The following FAT3 variants were observed in gnomAD, a reference collection of about 807,000 sequenced individuals.
FAT3 encodes the protein FAT atypical cadherin 3.
A neutral mutation model predicts 310.2 loss-of-function variants in FAT3; 95 were observed. That is an observed-to-expected ratio of 0.31 (90% confidence interval 0.26 to 0.36). The LOEUF (loss-of-function observed/expected upper bound fraction) is 0.36, where lower values mean the gene tolerates loss of function less well. FAT3 is among the 10% of genes least tolerant of loss of function. FAT3 has a pLI of 1.00. For missense variants in FAT3, 5,408 were observed against 5,715.6 expected, an observed-to-expected ratio of 0.95 and a Z score of 1.74; for synonymous variants, 2,314 against 2,192.9, an observed-to-expected ratio of 1.06 and a Z score of -1.54.
intron 1 of FAT3, among the ~76,000 whole-genome samples, chr11:92,274,773 A>G (rs1946220113): frequency 6.6e-6 from 1 of 152,132 alleles, no homozygotes; most frequent in African/African-American, 2.4e-5. Flanking sequence ...TTTAAAGTGG[A>G]AAAGAAAATA....
intron 3 of FAT3, among the ~76,000 whole-genome samples, chr11:92,564,772 G>A (rs1439511417): frequency 1.3e-5 from 2 of 149,114 alleles, no homozygotes; most frequent in Non-Finnish European, 3.0e-5. Context: ...TGAACAACCT[G>A]CTCCTGAATG....
chr11:92,604,204 G>A (rs1940167128), intron 3 of FAT3, among the ~76,000 whole-genome samples: 1 of 152,178 alleles, frequency 6.6e-6, no homozygotes, highest in Non-Finnish European at 1.5e-5. Flanking sequence ...TAATACTGCT[G>A]AGCAGATAGC....
At chr11:92,472,945 G>A (rs1013798367) in intron 2 of FAT3, among the ~76,000 whole-genome samples, 24 of 152,256 alleles carry the variant, frequency 1.6e-4, no homozygotes, top group Admixed American at 3.9e-4. Context: ...CTTGCTCTTC[G>A]TTTATCTGTG....
chr11:92,740,867 T>C (rs1188705734), intron 4 of FAT3, among the ~76,000 whole-genome samples: 1 of 152,170 alleles, frequency 6.6e-6, no homozygotes, highest in Non-Finnish European at 1.5e-5. Context: ...ATATTTGTGA[T>C]TGGTTTCATT....
In FAT3 at chr11:92,890,754, C is replaced by A. The variant is rs1462449512; in HGVS notation, c.13411C>A (p.Pro4471Thr). Residue 4471 changes from proline to threonine, a missense_variant, in exon 28 of 28, where the codon CCT becomes ACT. Transcript: ENST00000525166. ...DQYEALPPSQ[P>T]VSLASTLSPD... ...ATATGAGGCCCTGCCACCCTCCCAG[C>A]CTGTCTCCCTGGCCAGCACACTGAG... 1 of 1,613,872 alleles carries A rather than the reference C, an allele frequency of 6.2e-7. No homozygotes were observed. The highest frequency in any genetic ancestry group is 1.1e-5 in the South Asian group (1 of 91,048).
At chr11:92,350,907 A>C (rs1591150825) in intron 1 of FAT3, among the ~76,000 whole-genome samples, 1 of 152,176 alleles carries the variant, frequency 6.6e-6, no homozygotes, top group Admixed American at 6.5e-5. Flanking sequence ...GACTGGATGG[A>C]AGAACTCATA....
chr11:92,352,970 A>G lies in FAT3; in HGVS notation c.858A>G (p.Thr286=), dbSNP rs371628916. The G allele has an allele frequency of 1.1e-5, 18 of 1,613,748 alleles. No individual in the cohort carries two copies. In the African/African-American group the frequency reaches 2.3e-4, roughly 20 times the overall value. ...AAGAGCCAACATATGCAGTGGTGAC[A>G]GTTGATGACTTAGATGATGGAGCGA... ...LEKEPTYAVV[T]VDDLDDGANG... The change falls in exon 2 of 28, where the codon ACA becomes ACG. Residue 286 remains threonine, a synonymous_variant. Coordinates refer to ENST00000525166, the MANE Select transcript of FAT3 (RefSeq NM_001367949.2).
intron 3 of FAT3, among the ~76,000 whole-genome samples, chr11:92,604,086 T>A (rs1465107089): frequency 6.6e-6 from 1 of 152,158 alleles, no homozygotes; most frequent in Admixed American, 6.6e-5. Context: ...TCCTCAACAT[T>A]TGGATGTGTT....
intron 3 of FAT3, among the ~76,000 whole-genome samples, chr11:92,627,528 G>C (rs1478357406): frequency 6.6e-6 from 1 of 152,134 alleles, no homozygotes; most frequent in Non-Finnish European, 1.5e-5. Flanking sequence ...GGGGTAGAGA[G>C]AGGGGAAGGG....
chr11:92,838,736 C>G (rs577581385), intron 17 of FAT3, among the ~76,000 whole-genome samples: 2 of 152,088 alleles, frequency 1.3e-5, no homozygotes, highest in Non-Finnish European at 2.9e-5. Flanking sequence ...TCTTGAGGGT[C>G]CCCTTTGGAA....
intron 2 of FAT3, among the ~76,000 whole-genome samples, chr11:92,386,872 C>T (rs1949636222): frequency 6.6e-6 from 1 of 152,184 alleles, no homozygotes; most frequent in Admixed American, 6.5e-5. Flanking sequence ...TATATCATGC[C>T]TTCATTCATT....
intron 1 of FAT3, among the ~76,000 whole-genome samples, chr11:92,297,457 A>C: frequency 6.6e-6 from 1 of 151,938 alleles, no homozygotes; most frequent in Middle Eastern, 3.4e-3. Flanking sequence ...TACAATAAAG[A>C]CTCATTATTA....
chr11:92,300,349 T>C (rs1013331588), intron 1 of FAT3, among the ~76,000 whole-genome samples: 5 of 152,144 alleles, frequency 3.3e-5, no homozygotes, highest in Admixed American at 6.5e-5. Flanking sequence ...AGTTTGGGTG[T>C]GCATTTATCA....
At chr11:92,376,321 T>C (rs1262244068) in intron 2 of FAT3, among the ~76,000 whole-genome samples, 1 of 152,158 alleles carries the variant, frequency 6.6e-6, no homozygotes, top group Non-Finnish European at 1.5e-5. Flanking sequence ...TGAGGTCAAG[T>C]TTCTAGCCTT....
In FAT3 at chr11:92,833,146, A is replaced by G. The variant is rs538817756; in HGVS notation, c.9871+1135A>G. Among the ~76,000 whole-genome samples the G allele has an allele frequency of 3.2e-4, 48 of 152,364 alleles. 1 individual carries two copies. Among genetic ancestry groups the G allele is most frequent in the African/African-American group, 1.2e-3 (48 of 41,586 alleles). On this transcript the variant is annotated intron_variant, in intron 14 of 27. Coordinates refer to ENST00000525166, the MANE Select transcript of FAT3 (RefSeq NM_001367949.2). Reference sequence around the variant, plus strand: ...CAAGCTTGGATGTTCTTTGAAGACTAAACATACTCATCCTTGTATTTTCAT... The same window carrying G: ...CAAGCTTGGATGTTCTTTGAAGACTGAACATACTCATCCTTGTATTTTCAT...
chr11:92,492,973 G>GT (rs571859029), intron 2 of FAT3, among the ~76,000 whole-genome samples: 25 of 152,018 alleles, frequency 1.6e-4, no homozygotes, highest in Non-Finnish European at 3.2e-4. Flanking sequence ...CAGAGTTTCT[G>GT]TTTTGTTTTT....
At position 92,801,299 on chromosome 11, in the gene FAT3, A is replaced by G; in HGVS notation, c.8286A>G (p.Thr2762=). The G allele has an allele frequency of 1.9e-6, 3 of 1,613,970 alleles. No homozygotes were observed. Among genetic ancestry groups the G allele is most frequent in the Non-Finnish European group, 2.5e-6 (3 of 1,179,872 alleles). Residue 2762 remains threonine, a synonymous_variant, in exon 10 of 28, where the codon ACA becomes ACG. Coordinates refer to ENST00000525166, the MANE Select transcript of FAT3 (RefSeq NM_001367949.2). ...KGGIFVIEQE[T]GTIKLDKRLD... is the part of the protein sequence containing the mutation. ...GCATATTCGTCATAGAACAGGAAAC[A>G]GGCACTATTAAGCTTGACAAACGCC...
chr11:92,812,692 A>G (rs1198894748), intron 13 of FAT3, among the ~76,000 whole-genome samples: 3 of 152,222 alleles, frequency 2.0e-5, no homozygotes, highest in Non-Finnish European at 4.4e-5. Context: ...CATTTTATAA[A>G]AACAACAGCA....
chr11:92,309,845 G>T (rs1323137817), intron 1 of FAT3, among the ~76,000 whole-genome samples: 11 of 152,080 alleles, frequency 7.2e-5, no homozygotes, highest in Admixed American at 7.2e-4. Flanking sequence ...TCTGTAATTT[G>T]TTGCTGCAAA....
Sources: gnomAD v4.1 joint callset for allele counts (sites outside exome capture counted in the v4.1 genomes callset) on GRCh38, gnomAD v4.1.1 for gene constraint, MANE v1.5 for transcripts, NCBI Gene and HGNC (gene_info 2026-07-23, HGNC 2026-07-21) for gene names.